The following CRYBG1 variants were observed in gnomAD, a reference collection of about 807,000 sequenced individuals.
CRYBG1 encodes beta/gamma crystallin domain-containing protein 1.
CRYBG1 carries 139 observed loss-of-function variants against 189.2 expected under a neutral mutation model. That is an observed-to-expected ratio of 0.73 (90% confidence interval 0.64 to 0.85). CRYBG1 has a LOEUF of 0.85. CRYBG1 is among the 40% of genes least tolerant of loss of function. The probability of loss-of-function intolerance (pLI) is 0.00; values close to 1 mark genes in which losing one functional copy is unlikely to be tolerated. For missense variants in CRYBG1, 2,611 were observed against 2,675.8 expected (o/e 0.98, Z 0.53); for synonymous variants, 1,023 against 1,017.1 (o/e 1.01, Z -0.11).
At chr6:106,561,027 C>A in intron 19 of CRYBG1, 101 bp downstream of exon 19, 1 of 1,300,110 alleles carries the variant, frequency 7.7e-7, no homozygotes, top group Non-Finnish European at 1.0e-6. Context: ...AAGTTTATAA[C>A]TGGCCTCACC....
intron 1 of CRYBG1, among the ~76,000 whole-genome samples, chr6:106,379,300 T>A (rs563400328): frequency 6.6e-6 from 1 of 151,952 alleles, no homozygotes; most frequent in Non-Finnish European, 1.5e-5. Flanking sequence ...CTCTCTCTGT[T>A]GCCCAGGCTG....
intron 1 of CRYBG1, among the ~76,000 whole-genome samples, chr6:106,408,628 C>G (rs1212516141): frequency 1.3e-5 from 2 of 152,166 alleles, no homozygotes; most frequent in Non-Finnish European, 2.9e-5. Context: ...CAAGAAAATA[C>G]TGGCAAACTG....
At chr6:106,400,029 G>A (rs569245978) in intron 1 of CRYBG1, among the ~76,000 whole-genome samples, 29 of 151,576 alleles carry the variant, frequency 1.9e-4, no homozygotes, top group Admixed American at 5.9e-4. Flanking sequence ...CCAGCTACTC[G>A]GGAGGCTGAG....
At chr6:106,540,429 G>A (rs1384441916) in intron 9 of CRYBG1, among the ~76,000 whole-genome samples, 4 of 152,168 alleles carry the variant, frequency 2.6e-5, no homozygotes, top group Admixed American at 2.6e-4. Flanking sequence ...AAAGTATTTG[G>A]TTTAATTATC....
intron 1 of CRYBG1, among the ~76,000 whole-genome samples, chr6:106,405,655 G>T (rs537958619): frequency 7.2e-5 from 11 of 152,348 alleles, no homozygotes; most frequent in African/African-American, 2.6e-4. Context: ...CATCTGGCGG[G>T]TGCCCCTCTG....
chr6:106,391,166 T>A (rs777490942), intron 1 of CRYBG1, among the ~76,000 whole-genome samples: 2 of 152,108 alleles, frequency 1.3e-5, no homozygotes, highest in Non-Finnish European at 2.9e-5. Context: ...GTGAGCTGCC[T>A]CTGCCTCCCA....
At chr6:106,550,651 C>A (rs907368159) in intron 13 of CRYBG1, among the ~76,000 whole-genome samples, 21 of 152,050 alleles carry the variant, frequency 1.4e-4, no homozygotes, top group African/African-American at 4.8e-4. Flanking sequence ...CTGTTGGAAA[C>A]AATATTTTAG....
chr6:106,530,903 C>G (rs1356553805), intron 8 of CRYBG1, among the ~76,000 whole-genome samples: 1 of 152,212 alleles, frequency 6.6e-6, no homozygotes, highest in Non-Finnish European at 1.5e-5. Context: ...AAGACATTCA[C>G]TGAGATGCAG....
chr6:106,470,433 C>T (rs1012420117), intron 2 of CRYBG1, among the ~76,000 whole-genome samples: 2 of 151,846 alleles, frequency 1.3e-5, no homozygotes, highest in Non-Finnish European at 1.5e-5. Flanking sequence ...ATTAGCCGGG[C>T]GTGATGGCGG....
intron 21 of CRYBG1, among the ~76,000 whole-genome samples, chr6:106,566,256 T>C (rs984151723): frequency 1.3e-5 from 2 of 151,602 alleles, no homozygotes; most frequent in African/African-American, 4.9e-5. Flanking sequence ...ACTTGTTACA[T>C]TAGCAGCGGA....
At chr6:106,435,373 C>T (rs1477577703) in intron 1 of CRYBG1, among the ~76,000 whole-genome samples, 2 of 152,046 alleles carry the variant, frequency 1.3e-5, no homozygotes, top group Non-Finnish European at 2.9e-5. Context: ...CTATGTTGCC[C>T]AGGTTGGTCT....
chr6:106,539,549 G>A lies in CRYBG1; in HGVS notation c.4845+20G>A. On this transcript the variant is annotated intron_variant, in intron 9 of 21. Transcript: ENST00000633556. ...AAAATGGTAAAAATGAAATCCAAATGTCCTTGTGGTGATTCTTTGTCAGCT... is the reference window on the plus strand; with the variant it reads ...AAAATGGTAAAAATGAAATCCAAATATCCTTGTGGTGATTCTTTGTCAGCT... 1.3e-6 allele frequency: 2 copies of A among 1,595,016 alleles called. No individual in the cohort carries two copies. The highest frequency in any genetic ancestry group is 1.7e-4 in the Middle Eastern group (1 of 5,978).
chr6:106,523,976 C>T (rs1773671030), intron 4 of CRYBG1, among the ~76,000 whole-genome samples: 1 of 152,094 alleles, frequency 6.6e-6, no homozygotes, highest in Admixed American at 6.5e-5. Context: ...AGGTGATCTG[C>T]CCACCTCAGC....
rs188015112 is a variant in CRYBG1 at position 106,560,271 on chromosome 6, C to T, written c.5856-532C>T. 3.9e-3 allele frequency among the ~76,000 whole-genome samples: 590 copies of T among 152,258 alleles called. 6 individuals carry two copies. The highest frequency in any genetic ancestry group is 0.011 in the South Asian group (51 of 4,820). On this transcript the variant is annotated intron_variant, in intron 18 of 21. Transcript: ENST00000633556. ...TGATGTAATATGCAAGAGAGGAGGG[C>T]GCTGGGCTGCTTCCACGCCAGTCTG...
At chr6:106,417,145 A>G (rs537340125) in intron 1 of CRYBG1, among the ~76,000 whole-genome samples, 5 of 151,624 alleles carry the variant, frequency 3.3e-5, no homozygotes, top group Non-Finnish European at 5.9e-5. Context: ...GAGACTACAG[A>G]CATGTACCAC....
At chr6:106,398,156 T>TAA (rs893635997) in intron 1 of CRYBG1, among the ~76,000 whole-genome samples, 2 of 152,132 alleles carry the variant, frequency 1.3e-5, no homozygotes, top group African/African-American at 4.8e-5. Flanking sequence ...TCTCTGCTTT[T>TAA]AAAGGTTCTC....
At chr6:106,401,027 A>G (rs920987177) in intron 1 of CRYBG1, among the ~76,000 whole-genome samples, 20 of 152,220 alleles carry the variant, frequency 1.3e-4, no homozygotes, top group African/African-American at 4.3e-4. Flanking sequence ...CTGATGAGAC[A>G]GTGTCCAGCA....
At chr6:106,497,490 C>T (rs755336245) in intron 2 of CRYBG1, among the ~76,000 whole-genome samples, 1 of 152,212 alleles carries the variant, frequency 6.6e-6, no homozygotes, top group Non-Finnish European at 1.5e-5. Flanking sequence ...CCCTTAGTAG[C>T]AGGCTCTGCT....
intron 1 of CRYBG1, among the ~76,000 whole-genome samples, chr6:106,444,235 G>A (rs902558131): frequency 6.6e-6 from 1 of 152,102 alleles, no homozygotes; most frequent in African/African-American, 2.4e-5. Context: ...TGCCTTAAAA[G>A]GAAAATTCCA....
Sources: allele counts gnomAD v4.1 joint callset (sites outside exome capture counted in the v4.1 genomes callset), GRCh38; gene constraint gnomAD v4.1.1; transcripts MANE v1.5; gene names NCBI Gene and HGNC (gene_info 2026-07-23, HGNC 2026-07-21).